The following RAPGEF6 variants were observed in gnomAD, a reference collection of about 807,000 sequenced individuals.
RAPGEF6 encodes Rap guanine nucleotide exchange factor 6.
In RAPGEF6, 56 loss-of-function variants were observed where a neutral mutation model predicts 171.4. The ratio of observed to expected loss-of-function variants is 0.33; its 90% CI spans 0.26 to 0.41. The LOEUF (loss-of-function observed/expected upper bound fraction) is 0.41. Ranked by LOEUF, RAPGEF6 falls within the 10% of genes least tolerant of loss-of-function variation. RAPGEF6 has a pLI of 1.00. For synonymous variants in RAPGEF6, 692 were observed against 650.1 expected (o/e 1.06, Z -0.98); for missense variants, 1,674 against 1,921.4 (o/e 0.87, Z 2.41).
Position 131,429,071 on chromosome 5 carries a change from C to T in RAPGEF6, c.4611G>A (p.Gln1537=). Residue 1537 remains glutamine, a synonymous_variant, in exon 27 of 28, where the codon CAG becomes CAA. Coordinates refer to ENST00000509018, the MANE Select transcript of RAPGEF6 (RefSeq NM_016340.6). ...LKPPDYSVAV[Q]RSKMMHNSLS... Reference sequence around the variant, plus strand: ...GGCTGTTATGCATCATCTTTGACCTCTGCACTGCCACACTATAATCTGGAG... The same window carrying T: ...GGCTGTTATGCATCATCTTTGACCTTTGCACTGCCACACTATAATCTGGAG... The T allele has an allele frequency of 6.2e-7, 1 of 1,614,144 alleles. No homozygotes were observed. The highest frequency in any genetic ancestry group is 8.5e-7 in the Non-Finnish European group (1 of 1,180,034).
At position 131,521,479 on chromosome 5, in the gene RAPGEF6, G is replaced by A. The variant is rs767753391; in HGVS notation, c.538C>T (p.His180Tyr). 6.2e-7 allele frequency: 1 copy of A among 1,612,196 alleles called. No homozygotes were observed. The highest frequency in any genetic ancestry group is 1.1e-5 in the South Asian group (1 of 90,848). The change falls in exon 7 of 28, where the codon CAT (histidine) becomes TAT (tyrosine). Residue 180 changes from histidine to tyrosine, a missense_variant. His to Tyr is a moderately conservative substitution (Grantham distance 83, BLOSUM62 2). Transcript: ENST00000509018. ...GAAGACACATGAGTCACCTGTGGAT[G>A]AGGGTTTTCTGTGAGATGCATCTTG... ...LTKMHLTENP[H>Y]PQVTHVSSSQ... is the part of the protein sequence containing the mutation.
intron 5 of RAPGEF6, among the ~76,000 whole-genome samples, chr5:131,552,854 A>C (rs1761005817): frequency 6.6e-6 from 1 of 152,182 alleles, no homozygotes; most frequent in Admixed American, 6.5e-5. Flanking sequence ...AAAAATCCCA[A>C]CTACATCAAC....
intron 24 of RAPGEF6, among the ~76,000 whole-genome samples, chr5:131,437,766 G>T (rs555168984): frequency 5.3e-5 from 8 of 152,278 alleles, no homozygotes; most frequent in African/African-American, 1.9e-4. Context: ...TCTCAGCTAT[G>T]TGAGGATGAA....
In RAPGEF6 at chr5:131,429,111, T is replaced by G. The variant is rs373724297; in HGVS notation, c.4571A>C (p.His1524Pro). The G allele has an allele frequency of 2.5e-6, 4 of 1,614,044 alleles. No individual in the cohort carries two copies. The highest frequency in any genetic ancestry group is 2.7e-5 in the African/African-American group (2 of 74,936). ...ISLADLKEGP[H>P]THLKPPDYSV... The stretch of plus-strand genomic sequence containing the variant: ...ATAATCTGGAGGTTTTAGGTGTGTG[T>G]GGGGTCCTTCCTTTAGGTCCGCTAA... The change falls in exon 27 of 28, where the codon CAC becomes CCC. Residue 1524 changes from histidine to proline, a missense_variant. Transcript: ENST00000509018.
At chr5:131,568,422 C>T (rs1238320065) in intron 4 of RAPGEF6, among the ~76,000 whole-genome samples, 2 of 151,804 alleles carry the variant, frequency 1.3e-5, no homozygotes, top group Non-Finnish European at 2.9e-5. Flanking sequence ...CCTAAAACTC[C>T]TGGGCTCAAG....
rs572838143 is a variant in RAPGEF6 at position 131,558,289 on chromosome 5, C to T, written c.351+3689G>A. ...ACTTGCTTTAAGCTTTCCATACCAT[C>T]TCCCTTATTAGCATTTTAAAAATGT... On this transcript the variant is annotated intron_variant, in intron 5 of 27. Transcript: ENST00000509018. 2.8e-3 allele frequency among the ~76,000 whole-genome samples: 421 copies of T among 148,884 alleles called. 1 individual carries two copies. Among genetic ancestry groups the T allele is most frequent in the South Asian group, 0.013 (56 of 4,388 alleles).
chr5:131,605,954 C>T (rs766930342), intron 1 of RAPGEF6, among the ~76,000 whole-genome samples: 5 of 146,232 alleles, frequency 3.4e-5, no homozygotes, highest in African/African-American at 5.1e-5. Context: ...GGCGTGAACC[C>T]GGCAGGCGGA....
At chr5:131,509,368 C>A (rs1261383014) in intron 8 of RAPGEF6, among the ~76,000 whole-genome samples, 1 of 151,912 alleles carries the variant, frequency 6.6e-6, no homozygotes, top group Non-Finnish European at 1.5e-5. Flanking sequence ...ACGTTGAAAC[C>A]CCATTGCTAC....
At position 131,474,737 on chromosome 5, in the gene RAPGEF6, A is replaced by C. The variant is rs139918551; in HGVS notation, c.2082-1993T>G. Among the ~76,000 whole-genome samples, 669 of 152,336 alleles carry C rather than the reference A, an allele frequency of 4.4e-3. 8 individuals are homozygous for C. Among genetic ancestry groups the C allele is most frequent in the African/African-American group, 0.015 (631 of 41,572 alleles). On this transcript the variant is annotated intron_variant, in intron 16 of 27. Transcript: ENST00000509018. ...GGTTAGGTAAGAGAAAATAAGAGGA[A>C]AAAGGGCTTTCAAAGGTATTTAAAG...
chr5:131,451,702 G>T (rs1224484700), intron 21 of RAPGEF6, among the ~76,000 whole-genome samples: 1 of 151,984 alleles, frequency 6.6e-6, no homozygotes, highest in Non-Finnish European at 1.5e-5. Context: ...TTAAAATATT[G>T]TGTTGGTGTA....
chr5:131,531,815 A>G (rs1427889924), intron 6 of RAPGEF6, among the ~76,000 whole-genome samples: 24 of 152,232 alleles, frequency 1.6e-4, no homozygotes, highest in Non-Finnish European at 1.0e-4. Context: ...GATCACTGAT[A>G]AGTACAGCAA....
At chr5:131,498,956 A>G (rs970034703) in intron 11 of RAPGEF6, among the ~76,000 whole-genome samples, 4 of 152,176 alleles carry the variant, frequency 2.6e-5, no homozygotes, top group Admixed American at 1.3e-4. Flanking sequence ...GCATGTATTT[A>G]TTGTCTCAAG....
intron 5 of RAPGEF6, among the ~76,000 whole-genome samples, chr5:131,555,725 T>C (rs1192859200): frequency 6.7e-6 from 1 of 148,748 alleles, no homozygotes; most frequent in African/African-American, 2.5e-5. Context: ...CTAATATTTA[T>C]ATATGTATAG....
intron 16 of RAPGEF6, among the ~76,000 whole-genome samples, chr5:131,478,332 T>C (rs1489887688): frequency 6.6e-6 from 1 of 152,226 alleles, no homozygotes; most frequent in Non-Finnish European, 1.5e-5. Context: ...TTCTCTCTGC[T>C]ATCACTGCTA....
intron 5 of RAPGEF6, among the ~76,000 whole-genome samples, chr5:131,554,596 T>C (rs1201066679): frequency 6.6e-6 from 1 of 152,162 alleles, no homozygotes; most frequent in Non-Finnish European, 1.5e-5. Context: ...CTTGGCTCGC[T>C]GCAACCTCCA....
chr5:131,548,263 C>A lies in RAPGEF6; in HGVS notation c.352-73G>T, dbSNP rs1760682349. The A allele has an allele frequency of 4.8e-6, 7 of 1,457,906 alleles. No homozygotes were observed. In the South Asian group the frequency reaches 4.9e-5, roughly 10 times the overall value. 90.3% of individuals were successfully genotyped at this position (1,457,906 alleles called of 1,614,324 possible). A position where few individuals can be genotyped will look rare whatever the true frequency, so the allele number is the denominator to read the frequency against. ...TTATTGACAATCTATGGAGTCTTAA[C>A]AGACTCATAAGGAAGCTTCATTTAC... On this transcript the variant is annotated intron_variant, in intron 5 of 27. Coordinates refer to ENST00000509018, the MANE Select transcript of RAPGEF6 (RefSeq NM_016340.6).
At chr5:131,604,534 A>C in intron 2 of RAPGEF6, 89 bp downstream of exon 2, 2 of 1,401,434 alleles carry the variant, frequency 1.4e-6, no homozygotes, top group Non-Finnish European at 2.0e-6. Context: ...TAAAACAATA[A>C]GGAATATAAA....
chr5:131,509,340 G>C (rs376169149), intron 8 of RAPGEF6, among the ~76,000 whole-genome samples: 1 of 152,038 alleles, frequency 6.6e-6, no homozygotes, highest in Non-Finnish European at 1.5e-5. Flanking sequence ...TCAGGAGATC[G>C]AGACCATCCT....
In RAPGEF6 at chr5:131,472,557, C is replaced by T. The variant is rs750436340; in HGVS notation, c.2239+30G>A. Reference sequence around the variant, plus strand: ...TCTATTTGTTCATTTGGTACCAATACGGCAATATAAAATCACATATGAAAA... The same window carrying T: ...TCTATTTGTTCATTTGGTACCAATATGGCAATATAAAATCACATATGAAAA... On this transcript the variant is annotated intron_variant, in intron 17 of 27. Transcript: ENST00000509018. 14 of 1,599,084 alleles carry T rather than the reference C, an allele frequency of 8.8e-6. No homozygotes were observed. The East Asian group carries it at 1.1e-4, about 13-fold the overall frequency.
Sources: allele counts gnomAD v4.1 joint callset (sites outside exome capture counted in the v4.1 genomes callset), GRCh38; gene constraint gnomAD v4.1.1; transcripts MANE v1.5; gene names NCBI Gene and HGNC (gene_info 2026-07-23, HGNC 2026-07-21).